Variants in DZIP1 observed in about 807,000 individuals in gnomAD.
DZIP1 encodes cilium assembly protein DZIP1.
DZIP1 carries 97 observed loss-of-function variants against 107.6 expected under a neutral mutation model. That is an observed-to-expected ratio of 0.90 (90% CI 0.77 to 1.07). The LOEUF (loss-of-function observed/expected upper bound fraction) is 1.07. Among genes scored for constraint, DZIP1 ranks in the 50% least tolerant of loss-of-function variants. The pLI is 0.00. For synonymous variants in DZIP1, 390 were observed against 386.4 expected (o/e 1.01, Z -0.11); for missense variants, 1,035 against 1,063.6 (o/e 0.97, Z 0.37).
chr13:95,609,007 A>C (rs1169518318), intron 13 of DZIP1, among the ~76,000 whole-genome samples: 1 of 152,228 alleles, frequency 6.6e-6, no homozygotes, highest in African/African-American at 2.4e-5. Context: ...TTTACTGCAG[A>C]ATCTTGACAG....
At chr13:95,639,569 C>T (rs1460423325) in intron 5 of DZIP1, among the ~76,000 whole-genome samples, 8 of 126,862 alleles carry the variant, frequency 6.3e-5, no homozygotes, top group African/African-American at 1.5e-4. Flanking sequence ...CCAGCCTGGG[C>T]GACAGAGTGA....
chr13:95,635,944 G>A lies in DZIP1; in HGVS notation c.598-2623C>T, dbSNP rs145717979. Among the ~76,000 whole-genome samples, 422 of 151,690 alleles carry A rather than the reference G, an allele frequency of 2.8e-3. 2 individuals are homozygous for A. Among genetic ancestry groups the A allele is most frequent in the African/African-American group, 9.8e-3 (406 of 41,316 alleles). On this transcript the variant is annotated intron_variant, in intron 5 of 22. Coordinates refer to ENST00000376829, the MANE Select transcript of DZIP1 (RefSeq NM_198968.4). ...AAAAAGGTAGGGAGGTAAGGAGGTA[G>A]GGAGGGAAAGAGGGAAGGAAAGAGG...
chr13:95,582,199 T>G lies in DZIP1; in HGVS notation c.*35A>C. On this transcript the variant is annotated 3_prime_UTR_variant, in exon 23 of 23. Coordinates refer to ENST00000376829, the MANE Select transcript of DZIP1 (RefSeq NM_198968.4). ...CTGAAACACTGTGATACTGAAATAC[T>G]GCTGGCTTCTGGAATAATCTTCTGA... The G allele has an allele frequency of 6.3e-7, 1 of 1,598,374 alleles. No homozygotes were observed.
chr13:95,579,375 T>C lies in DZIP1; in HGVS notation c.*2859A>G, dbSNP rs1566350484. 1 of 152,246 alleles carries C rather than the reference T, an allele frequency of 6.6e-6. No individual in the cohort carries two copies. The highest frequency in any genetic ancestry group is 2.4e-5 in the African/African-American group (1 of 41,466). The allele number at this position is 152,246 out of a possible 1,614,324, so 9.4% of individuals were successfully genotyped here. A position where few individuals can be genotyped will look rare whatever the true frequency, so the allele number is the denominator to read the frequency against. ...CCCACAAGGGCAACAGTTATCACAG[T>C]TCATACACACCTTTCATGTCCTGTC... On this transcript the variant is annotated 3_prime_UTR_variant, in exon 23 of 23. Coordinates refer to ENST00000376829, the MANE Select transcript of DZIP1 (RefSeq NM_198968.4).
intron 7 of DZIP1, 137 bp from the exon 8 acceptor site, chr13:95,625,066 C>T: frequency 1.3e-6 from 1 of 762,212 alleles, no homozygotes; most frequent in East Asian, 2.7e-5. Flanking sequence ...AACAACATTT[C>T]CTATCATGGC....
At chr13:95,604,822 G>A (rs533473677) in intron 14 of DZIP1, among the ~76,000 whole-genome samples, 3 of 152,148 alleles carry the variant, frequency 2.0e-5, no homozygotes, top group African/African-American at 4.8e-5. Context: ...ACAAAGGGAC[G>A]CAACAGAGAG....
At chr13:95,602,007 T>C (rs2044630194) in intron 14 of DZIP1, among the ~76,000 whole-genome samples, 1 of 152,050 alleles carries the variant, frequency 6.6e-6, no homozygotes, top group Non-Finnish European at 1.5e-5. Flanking sequence ...GATGGGGAGC[T>C]TTGGAGACGC....
chr13:95,621,145 G>C (rs1417163095), intron 9 of DZIP1, among the ~76,000 whole-genome samples: 1 of 119,538 alleles, frequency 8.4e-6, no homozygotes, highest in Non-Finnish European at 1.8e-5. Flanking sequence ...CTGCCCCCCT[G>C]GCTGAATACT....
intron 5 of DZIP1, among the ~76,000 whole-genome samples, chr13:95,639,227 G>C (rs1286259554): frequency 1.3e-5 from 2 of 152,188 alleles, no homozygotes; most frequent in Non-Finnish European, 1.5e-5. Flanking sequence ...AGCTGAAAAA[G>C]TAGTAGGTGT....
chr13:95,584,881 G>A lies in DZIP1; in HGVS notation c.2379C>T (p.Asp793=), dbSNP rs2044118796. The change falls in exon 22 of 23, where the codon GAC becomes GAT. Residue 793 remains aspartate (D), a synonymous_variant. Transcript: ENST00000376829. ...KCADVEDEDW[D]ISSLEEEISL... is the part of the protein sequence containing the mutation. ...ATATCTCTTCCTCTAGGGATGATAT[G>A]TCCCAGTCTTCATCCTCCACATCCG... The A allele has an allele frequency of 1.2e-6, 2 of 1,613,794 alleles. No homozygotes were observed. The highest frequency in any genetic ancestry group is 2.7e-5 in the African/African-American group (2 of 74,984).
chr13:95,630,835 CAG>C lies in DZIP1; in HGVS notation c.686-724_686-723del, dbSNP rs752888760. The C allele has an allele frequency of 5.6e-5, 53 of 951,764 alleles. 1 individual carries two copies. The South Asian group carries it at 7.0e-4, about 13-fold the overall frequency. The allele number at this position is 951,764 out of a possible 1,614,324, so 59.0% of individuals were successfully genotyped here. A position where few individuals can be genotyped will look rare whatever the true frequency, so the allele number is the denominator to read the frequency against. On this transcript the variant is annotated intron_variant, in intron 6 of 22. Transcript: ENST00000376829. ...TGACCTGAAGAAATAATACTCGTTT[CAG>C]AGTCTGAAACCCTCTCTGAAACGAG...
Position 95,586,119 on chromosome 13 carries a change from G to A in DZIP1, c.2236C>T (p.Pro746Ser), listed in dbSNP as rs762154276. The A allele has an allele frequency of 5.0e-6, 8 of 1,609,658 alleles. No homozygotes were observed. The East Asian group carries it at 1.6e-4, about 32-fold the overall frequency. Residue 746 changes from proline (P) to serine (S), a missense_variant, in exon 21 of 23, where the codon CCT becomes TCT. Coordinates refer to ENST00000376829, the MANE Select transcript of DZIP1 (RefSeq NM_198968.4). ...PKPAGVAVKTPTEKVEKMFPH... is the reference protein window; with the variant it reads ...PKPAGVAVKTSTEKVEKMFPH... ...AACATCTTTTCAACTTTTTCAGTAG[G>A]TGTTTTAACGGCGACTCCTATAAGA...
intron 6 of DZIP1, among the ~76,000 whole-genome samples, chr13:95,632,987 T>G (rs946829152): frequency 4.6e-5 from 7 of 152,160 alleles, no homozygotes; most frequent in African/African-American, 1.7e-4. Context: ...TTTAAATGTG[T>G]CTCCTCAACC....
In DZIP1 at chr13:95,621,875, G is replaced by A. The variant is rs539765014; in HGVS notation, c.1110+468C>T. Among the ~76,000 whole-genome samples the A allele has an allele frequency of 3.2e-4, 49 of 151,508 alleles. No individual in the cohort carries two copies. In the East Asian group the frequency reaches 3.5e-3, roughly 11 times the overall value. On this transcript the variant is annotated intron_variant, in intron 9 of 22. Transcript: ENST00000376829. The stretch of plus-strand genomic sequence containing the variant: ...TGGGATTACAGGCATCTGCTACCAC[G>A]CCCAGTTAATTGAGCCGAGGTGGGC...
chr13:95,637,137 C>T (rs1344115210), intron 5 of DZIP1: 1 of 152,202 alleles, frequency 6.6e-6, no homozygotes, highest in Non-Finnish European at 1.5e-5. Context: ...AAATGCAGCA[C>T]TCTTGGGCCT....
chr13:95,623,290 G>T (rs1050376150), intron 8 of DZIP1, among the ~76,000 whole-genome samples: 1 of 152,150 alleles, frequency 6.6e-6, no homozygotes, highest in Non-Finnish European at 1.5e-5. Flanking sequence ...ACAAAAGTAT[G>T]GGGGAGCGCA....
rs960332334 is a variant in DZIP1, at chr13:95,581,824, C to G, written c.*410G>C. ...CTAACAGAATTTTATAATATAAACG[C>G]CTACGATACGACAGCATACATAAGA... On this transcript the variant is annotated 3_prime_UTR_variant, in exon 23 of 23. Transcript: ENST00000376829. The G allele has an allele frequency of 4.6e-5, 7 of 153,318 alleles. No individual in the cohort carries two copies. Among genetic ancestry groups the G allele is most frequent in the Admixed American group, 1.3e-4 (2 of 15,322 alleles). The allele number at this position is 153,318 out of a possible 1,614,324, so 9.5% of individuals were successfully genotyped here.
chr13:95,607,568 G>T (rs1020160529), intron 13 of DZIP1, among the ~76,000 whole-genome samples: 2 of 152,070 alleles, frequency 1.3e-5, no homozygotes, highest in South Asian at 4.1e-4. Flanking sequence ...CTTCACTTAC[G>T]TGTTGTCTAT....
rs1025855350 is a variant in DZIP1, at chr13:95,641,218, T to C, written c.597+77A>G. On this transcript the variant is annotated intron_variant, in intron 5 of 22. Coordinates refer to ENST00000376829, the MANE Select transcript of DZIP1 (RefSeq NM_198968.4). The surrounding 1 kb of genome is among the most constrained non-coding windows in gnomAD (Gnocchi z 4.3). ...ATAAATCTTTAAGAAGAAAGAGTGG[T>C]GATACGGGACAGGCCTATCAAATGG... is the stretch of plus-strand genomic sequence containing the variant. The C allele has an allele frequency of 6.7e-7, 1 of 1,498,362 alleles. No homozygotes were observed. The allele number at this position is 1,498,362 out of a possible 1,614,324, so 92.8% of individuals were successfully genotyped here.
Sources: gnomAD v4.1 joint callset for allele counts (sites outside exome capture counted in the v4.1 genomes callset) on GRCh38, gnomAD v4.1.1 for gene constraint, Gnocchi (gnomAD v3.1) non-coding constraint, MANE v1.5 for transcripts, NCBI Gene and HGNC (gene_info 2026-07-23, HGNC 2026-07-21) for gene names.